The following CADPS2 variants were observed in gnomAD, a reference collection of about 807,000 sequenced individuals.
CADPS2 encodes calcium dependent secretion activator 2, also known as calcium-dependent secretion activator 2.
CADPS2 carries 93 observed loss-of-function variants against 172.5 expected under a neutral mutation model. The ratio of observed to expected loss-of-function variants is 0.54; its 90% CI spans 0.46 to 0.64. The LOEUF (loss-of-function observed/expected upper bound fraction) is 0.64. CADPS2 is among the 30% of genes least tolerant of loss of function. The pLI, the probability that CADPS2 is intolerant of heterozygous loss-of-function variation, is 0.00. For missense variants in CADPS2, 1,420 were observed against 1,565.9 expected, an observed-to-expected ratio of 0.91 and a Z score of 1.57; for synonymous variants, 546 against 555.2, an observed-to-expected ratio of 0.98 and a Z score of 0.23.
Position 122,687,724 on chromosome 7 carries a change from C to A in CADPS2, c.454-24155G>T, listed in dbSNP as rs531625506. Reference sequence around the variant, plus strand: ...AGCTTTACTCAGCCTGCTAAGCATTCTTGGGTGACAAAAATATCTTATAAC... The same window carrying A: ...AGCTTTACTCAGCCTGCTAAGCATTATTGGGTGACAAAAATATCTTATAAC... On this transcript the variant is annotated intron_variant, in intron 2 of 29. Coordinates refer to ENST00000449022, the MANE Select transcript of CADPS2 (RefSeq NM_017954.11). Among the ~76,000 whole-genome samples the A allele has an allele frequency of 8.5e-5, 13 of 152,276 alleles. No individual in the cohort carries two copies. The South Asian group carries it at 2.7e-3, about 32-fold the overall frequency.
intron 2 of CADPS2, among the ~76,000 whole-genome samples, chr7:122,683,445 G>A (rs2083278664): frequency 6.6e-6 from 1 of 152,098 alleles, no homozygotes; most frequent in South Asian, 2.1e-4. Flanking sequence ...TAAGGGTGGG[G>A]GTTTAGCTTG....
rs560704421 is a variant in CADPS2, at chr7:122,481,791, A to C, written c.1853-931T>G. ...TTTGGCAGGCCAAGGCTGGCAGATCACCTGAGGTCAGGAGTTTGAGACTAG... is the reference window on the plus strand; with the variant it reads ...TTTGGCAGGCCAAGGCTGGCAGATCCCCTGAGGTCAGGAGTTTGAGACTAG... On this transcript the variant is annotated intron_variant, in intron 11 of 29. Transcript: ENST00000449022. Among the ~76,000 whole-genome samples the C allele has an allele frequency of 9.9e-5, 15 of 152,268 alleles. 1 individual carries two copies. In the South Asian group the frequency reaches 2.5e-3, roughly 25 times the overall value.
At chr7:122,409,515 A>G in intron 19 of CADPS2, 1 of 316,672 alleles carries the variant, frequency 3.2e-6, no homozygotes, top group Admixed American at 3.3e-5. Flanking sequence ...TTTGCCATCA[A>G]CTGGAAAATT....
chr7:122,445,652 T>C (rs964840083), intron 15 of CADPS2, among the ~76,000 whole-genome samples: 2 of 152,250 alleles, frequency 1.3e-5, no homozygotes, highest in East Asian at 3.9e-4. Context: ...ATCCCATCTC[T>C]GTAAAAGAAA....
chr7:122,854,340 C>T (rs953712725), intron 1 of CADPS2, among the ~76,000 whole-genome samples: 1 of 152,084 alleles, frequency 6.6e-6, no homozygotes, highest in African/African-American at 2.4e-5. Flanking sequence ...CGCTGCGCTC[C>T]AGCCTGGGTG....
chr7:122,668,397 A>C, intron 2 of CADPS2, among the ~76,000 whole-genome samples: 1 of 71,662 alleles, frequency 1.4e-5, no homozygotes, highest in African/African-American at 7.7e-5. Context: ...GAGACAAAGT[A>C]TGGTTAAAAA....
intron 9 of CADPS2, among the ~76,000 whole-genome samples, chr7:122,509,678 G>A (rs1273585158): frequency 6.6e-6 from 1 of 152,142 alleles, no homozygotes; most frequent in Non-Finnish European, 1.5e-5. Context: ...GTATGGCAGA[G>A]GAAAGAGAAG....
At chr7:122,655,634 G>T (rs1035837912) in intron 3 of CADPS2, among the ~76,000 whole-genome samples, 1 of 151,818 alleles carries the variant, frequency 6.6e-6, no homozygotes, top group African/African-American at 2.4e-5. Context: ...CTGCTTTATT[G>T]CAATATTCAC....
At chr7:122,460,065 G>A (rs541904989) in intron 14 of CADPS2, among the ~76,000 whole-genome samples, 1 of 152,188 alleles carries the variant, frequency 6.6e-6, no homozygotes, top group South Asian at 2.1e-4. Context: ...GAGAGGCCCA[G>A]GATGTTCGCC....
At chr7:122,450,119 C>T (rs926065454) in intron 15 of CADPS2, among the ~76,000 whole-genome samples, 1 of 151,976 alleles carries the variant, frequency 6.6e-6, no homozygotes, top group Admixed American at 6.6e-5. Flanking sequence ...GATAAAGAAA[C>T]GGAGTCTCAG....
At chr7:122,643,395 C>A (rs1307617885) in intron 3 of CADPS2, among the ~76,000 whole-genome samples, 2 of 152,244 alleles carry the variant, frequency 1.3e-5, no homozygotes, top group African/African-American at 4.8e-5. Context: ...GCTCCCTACT[C>A]TCTCAGCCCA....
At chr7:122,547,542 T>C (rs921276016) in intron 8 of CADPS2, among the ~76,000 whole-genome samples, 1 of 152,184 alleles carries the variant, frequency 6.6e-6, no homozygotes, top group Non-Finnish European at 1.5e-5. Flanking sequence ...AATATTTGTT[T>C]AGCTTCTACT....
intron 29 of CADPS2, 22 bp from the exon 30 acceptor site, chr7:122,320,360 T>C (rs779692039): frequency 2.5e-6 from 4 of 1,569,940 alleles, no homozygotes; most frequent in Non-Finnish European, 3.5e-6. Context: ...AGATAAAATT[T>C]GCTTAGCTCA....
At chr7:122,483,660 G>A (rs1247343809) in intron 11 of CADPS2, among the ~76,000 whole-genome samples, 1 of 151,910 alleles carries the variant, frequency 6.6e-6, no homozygotes, top group Non-Finnish European at 1.5e-5. Flanking sequence ...AATGTATTGT[G>A]GGATTTACCA....
chr7:122,583,740 T>A (rs1434497607), intron 6 of CADPS2, among the ~76,000 whole-genome samples: 1 of 151,296 alleles, frequency 6.6e-6, no homozygotes, highest in Non-Finnish European at 1.5e-5. Context: ...ATAACAGACA[T>A]CCTAACACAC....
At position 122,679,988 on chromosome 7, in the gene CADPS2, T is replaced by C. The variant is rs1029739710; in HGVS notation, c.454-16419A>G. Among the ~76,000 whole-genome samples the C allele has an allele frequency of 1.4e-3, 213 of 152,230 alleles. 2 individuals carry two copies. Among genetic ancestry groups the C allele is most frequent in the Non-Finnish European group, 3.4e-4 (23 of 68,044 alleles). On this transcript the variant is annotated intron_variant, in intron 2 of 29. Coordinates refer to ENST00000449022, the MANE Select transcript of CADPS2 (RefSeq NM_017954.11). ...CTATAAACTAAATCTTTGCCATGAT[T>C]AGCTTGACCTATGTACAGGAATGAA... is the stretch of plus-strand genomic sequence containing the variant.
chr7:122,382,765 T>G (rs1019736194), intron 24 of CADPS2, among the ~76,000 whole-genome samples: 3 of 151,978 alleles, frequency 2.0e-5, no homozygotes, highest in Non-Finnish European at 4.4e-5. Context: ...TGCAGTGAGC[T>G]ATGAATATGC....
intron 15 of CADPS2, 117 bp downstream of exon 15, chr7:122,451,257 G>C: frequency 2.2e-6 from 1 of 455,908 alleles, no homozygotes; most frequent in Non-Finnish European, 3.8e-6. Context: ...TGCAGGCAAG[G>C]GAGGGCTACT....
At chr7:122,660,815 C>T (rs139543287) in intron 3 of CADPS2, among the ~76,000 whole-genome samples, 5,468 of 152,054 alleles carry the variant, frequency 0.036, 318 homozygotes, top group African/African-American at 0.13. Context: ...GAGGCTGAGG[C>T]AGAAGAATCA....
Sources: allele counts gnomAD v4.1 joint callset (sites outside exome capture counted in the v4.1 genomes callset), GRCh38; gene constraint gnomAD v4.1.1; transcripts MANE v1.5; gene names NCBI Gene and HGNC (gene_info 2026-07-23, HGNC 2026-07-21).